Variants in NR1I2 observed in about 807,000 individuals in gnomAD.
NR1I2 encodes the protein nuclear receptor subfamily 1 group I member 2.
NR1I2 carries 42 observed loss-of-function variants against 43.3 expected under a neutral mutation model. The observed-to-expected ratio is 0.97, with a 90% CI of 0.76 to 1.26. The LOEUF (loss-of-function observed/expected upper bound fraction) is 1.26. Among genes scored for constraint, NR1I2 ranks in the 50% most tolerant of loss-of-function variants. The pLI, the probability that NR1I2 is intolerant of heterozygous loss-of-function variation, is 0.00. For missense variants in NR1I2, 559 were observed against 566.7 expected (o/e 0.99, Z 0.14); for synonymous variants, 229 against 215.0 (o/e 1.06, Z -0.57).
chr3:119,815,403 T>A lies in NR1I2; in HGVS notation c.1018T>A (p.Tyr340Asn), dbSNP rs565595512. The change falls in exon 7 of 9, where the codon TAT (tyrosine) becomes AAT (asparagine). Residue 340 changes from tyrosine to asparagine, a missense_variant. Coordinates refer to ENST00000393716, the MANE Select transcript of NR1I2 (RefSeq NM_003889.4). ...GAAGCTGCAGCTGCATGAGGAGGAG[T>A]ATGTGCTGATGCAGGCCATCTCCCT... is the stretch of plus-strand genomic sequence containing the variant. 6.2e-7 allele frequency: 1 copy of A among 1,612,860 alleles called. No individual in the cohort carries two copies. The highest frequency in any genetic ancestry group is 1.3e-5 in the African/African-American group (1 of 74,860).
chr3:119,804,834 T>C (rs947278064), intron 1 of NR1I2, among the ~76,000 whole-genome samples: 1 of 152,152 alleles, frequency 6.6e-6, no homozygotes, highest in African/African-American at 2.4e-5. Context: ...TCTTTTGAAC[T>C]TTTTTCCTTC....
At position 119,817,194 on chromosome 3, in the gene NR1I2, C is replaced by T. The variant is rs368152532; in HGVS notation, c.1287C>T (p.Phe429=). Residue 429 remains phenylalanine (F), a synonymous_variant, in exon 9 of 9, where the codon TTC becomes TTT. Coordinates refer to ENST00000393716, the MANE Select transcript of NR1I2 (RefSeq NM_003889.4). ...CTACGCCCCTCATGCAGGAGTTGTT[C>T]GGCATCACAGGTAGCTGAGCGGCTG... is the stretch of plus-strand genomic sequence containing the variant. 1.4e-4 allele frequency: 218 copies of T among 1,613,968 alleles called. No homozygotes were observed. The highest frequency in any genetic ancestry group is 1.8e-4 in the Non-Finnish European group (209 of 1,180,036).
intron 1 of NR1I2, among the ~76,000 whole-genome samples, chr3:119,791,105 G>A (rs533735043): frequency 6.6e-6 from 1 of 152,324 alleles, no homozygotes; most frequent in South Asian, 2.1e-4. Context: ...AGCCCCCTGG[G>A]CAGCAGTCCA....
At position 119,814,959 on chromosome 3, in the gene NR1I2, C is replaced by T. The variant is rs748345924; in HGVS notation, c.795-20C>T. 15 of 1,613,886 alleles carry T rather than the reference C, an allele frequency of 9.3e-6. No individual in the cohort carries two copies. Among genetic ancestry groups the T allele is most frequent in the Middle Eastern group, 1.7e-4 (1 of 6,030 alleles). ...CTGCCTCCCAGGGAGCTGTCCTCCC[C>T]TCCCCATCCTTGCTGCCAGGGACTT... On this transcript the variant is annotated intron_variant, in intron 5 of 8. Transcript: ENST00000393716.
chr3:119,806,085 T>A (rs1286636532), intron 1 of NR1I2, among the ~76,000 whole-genome samples: 1 of 152,224 alleles, frequency 6.6e-6, no homozygotes, highest in Non-Finnish European at 1.5e-5. Flanking sequence ...AAAGTTTCGA[T>A]TTTGGCATTA....
At chr3:119,808,302 T>C (rs1013348817) in intron 2 of NR1I2, among the ~76,000 whole-genome samples, 9 of 152,222 alleles carry the variant, frequency 5.9e-5, no homozygotes, top group African/African-American at 2.2e-4. Context: ...GGGGGCACAG[T>C]GCTGGGGCCC....
chr3:119,808,925 A>G (rs2055196919), intron 2 of NR1I2, among the ~76,000 whole-genome samples: 1 of 152,228 alleles, frequency 6.6e-6, no homozygotes, highest in Non-Finnish European at 1.5e-5. Flanking sequence ...ATGTAGCATC[A>G]GAGTTTTCTT....
chr3:119,783,984 A>G (rs2054812071), intron 1 of NR1I2, among the ~76,000 whole-genome samples: 1 of 152,152 alleles, frequency 6.6e-6, no homozygotes, highest in South Asian at 2.1e-4. Context: ...TTTTCGATAG[A>G]TATTTAAGCT....
intron 2 of NR1I2, among the ~76,000 whole-genome samples, chr3:119,807,807 T>C (rs1464601): frequency 0.91 from 138,379 of 152,260 alleles, 63,135 homozygotes; most frequent in Middle Eastern, 0.97. Context: ...AATAAATGCT[T>C]AGACCATGGG....
In NR1I2 at chr3:119,818,430, C is replaced by T. The variant is rs2055359432; in HGVS notation, c.*1218C>T. ...TAAGAACTAGTTTTGGGAAATGTAG[C>T]CCTGGGTTTAATGTCAAATCAAGGC... On this transcript the variant is annotated 3_prime_UTR_variant, in exon 9 of 9. Coordinates refer to ENST00000393716, the MANE Select transcript of NR1I2 (RefSeq NM_003889.4). 6.1e-6 allele frequency: 6 copies of T among 985,024 alleles called. No homozygotes were observed. The South Asian group carries it at 1.4e-4, about 23-fold the overall frequency. 61.0% of individuals were successfully genotyped at this position (985,024 alleles called of 1,614,324 possible).
At chr3:119,803,676 T>C (rs938045852) in intron 1 of NR1I2, among the ~76,000 whole-genome samples, 1 of 152,170 alleles carries the variant, frequency 6.6e-6, no homozygotes, top group Non-Finnish European at 1.5e-5. Flanking sequence ...CATCCCATAT[T>C]CTCTAATACA....
In NR1I2 at chr3:119,797,186, A is replaced by ATGTGTGTGTGTGTGTGTG. The variant is rs60261128; in HGVS notation, c.-22-10029_-22-10012dup. ...GCAAATGAAGTAACTGCACAAAGAT[A>ATGTGTGTGTGTGTGTGTG]TGTGTGTGTGTGTGTGTGTGTGTGT... On this transcript the variant is annotated intron_variant, in intron 1 of 8. Coordinates refer to ENST00000393716, the MANE Select transcript of NR1I2 (RefSeq NM_003889.4). Among the ~76,000 whole-genome samples the ATGTGTGTGTGTGTGTGTG allele has an allele frequency of 4.6e-3, 674 of 145,164 alleles. 5 individuals are homozygous for ATGTGTGTGTGTGTGTGTG. The highest frequency in any genetic ancestry group is 8.5e-3 in the Admixed American group (123 of 14,396).
rs1283127124 is a variant in NR1I2, at chr3:119,792,177, C to A, written c.-23+9877C>A. 9 of 1,020,970 alleles carry A rather than the reference C, an allele frequency of 8.8e-6. No homozygotes were observed. In the Admixed American group the frequency reaches 1.4e-4, roughly 16 times the overall value. 63.2% of individuals were successfully genotyped at this position (1,020,970 alleles called of 1,614,324 possible). ...AGAAGACTATGATGAGCGTGTGCTG[C>A]CATCCATCACTACTGAGATCCTCAA... On this transcript the variant is annotated intron_variant, in intron 1 of 8. Transcript: ENST00000393716.
intron 8 of NR1I2, among the ~76,000 whole-genome samples, chr3:119,816,835 A>G (rs902740342): frequency 1.3e-5 from 2 of 151,650 alleles, no homozygotes; most frequent in Non-Finnish European, 2.9e-5. Flanking sequence ...AAGAAAAAAA[A>G]AAAAAAAAGA....
intron 1 of NR1I2, among the ~76,000 whole-genome samples, chr3:119,806,451 T>G (rs1321925139): frequency 6.6e-6 from 1 of 150,990 alleles, no homozygotes; most frequent in Non-Finnish European, 1.5e-5. Flanking sequence ...ATCTTGGCTG[T>G]TTTTTTTTAT....
At chr3:119,793,047 A>C (rs1158159484) in intron 1 of NR1I2, among the ~76,000 whole-genome samples, 1 of 151,648 alleles carries the variant, frequency 6.6e-6, no homozygotes, top group African/African-American at 2.4e-5. Flanking sequence ...AGAGCCCGGC[A>C]CCTCCTCTCT....
In NR1I2 at chr3:119,807,322, T is replaced by C. The variant is rs372455553; in HGVS notation, c.72T>C (p.Pro24=). Residue 24 remains proline (P), a synonymous_variant, in exon 2 of 9, where the codon CCT becomes CCC. Transcript: ENST00000393716. Reference sequence around the variant, plus strand: ...ACTGTGAGGACACAGAGTCTGTTCCTGGAAAGCCCAGTGTCAACGCAGATG... The same window carrying C: ...ACTGTGAGGACACAGAGTCTGTTCCCGGAAAGCCCAGTGTCAACGCAGATG... 4 of 1,614,124 alleles carry C rather than the reference T, an allele frequency of 2.5e-6. No homozygotes were observed. The African/African-American group carries it at 5.3e-5, about 22-fold the overall frequency.
chr3:119,810,317 C>A, intron 3 of NR1I2, 123 bp downstream of exon 3: 1 of 1,412,836 alleles, frequency 7.1e-7, no homozygotes, highest in Non-Finnish European at 9.5e-7. Context: ...CACACGTGCA[C>A]ATGTGAGCTG....
chr3:119,814,589 TATACTAAAGGGG>T (rs2055291159), intron 5 of NR1I2, among the ~76,000 whole-genome samples: 1 of 152,028 alleles, frequency 6.6e-6, no homozygotes, highest in Non-Finnish European at 1.5e-5. Flanking sequence ...GCTAGCAGGA[TATACTAAAGGGG>T]AAGTCATTCC....
Sources: gnomAD v4.1 joint callset for allele counts (sites outside exome capture counted in the v4.1 genomes callset) on GRCh38, gnomAD v4.1.1 for gene constraint, MANE v1.5 for transcripts, NCBI Gene and HGNC (gene_info 2026-07-23, HGNC 2026-07-21) for gene names.